ITGA8: variants seen among roughly 807,000 people sequenced by gnomAD.
ITGA8 encodes the protein integrin subunit alpha 8.
In ITGA8, 91 loss-of-function variants were observed where a neutral mutation model predicts 142.3. The ratio of observed to expected loss-of-function variants is 0.64; its 90% CI spans 0.54 to 0.76. The LOEUF (loss-of-function observed/expected upper bound fraction) is 0.76. Among genes scored for constraint, ITGA8 ranks in the 30% least tolerant of loss-of-function variants. The pLI, the probability that ITGA8 is intolerant of heterozygous loss-of-function variation, is 0.00. For missense variants in ITGA8, 1,406 were observed against 1,327.7 expected, an observed-to-expected ratio of 1.06 and a Z score of -0.92; for synonymous variants, 505 against 485.2, an observed-to-expected ratio of 1.04 and a Z score of -0.54.
intron 8 of ITGA8, among the ~76,000 whole-genome samples, chr10:15,662,326 CTTTTTTTTTTTTTTT>C (rs200922550): frequency 1.4e-5 from 1 of 72,716 alleles, no homozygotes; most frequent in Non-Finnish European, 2.4e-5. Context: ...TCAGAAGGTC[CTTTTTTTTTTTTTTT>C]TTTTTTTTTT....
intron 2 of ITGA8, among the ~76,000 whole-genome samples, chr10:15,714,746 C>A (rs1296776313): frequency 6.6e-6 from 1 of 151,902 alleles, no homozygotes; most frequent in African/African-American, 2.4e-5. Context: ...GGCAATTGAC[C>A]TTAAATAAAT....
chr10:15,557,576 CCCTTGGCCTCAAGGGATCCTCCCA>C (rs1833908128), intron 26 of ITGA8, among the ~76,000 whole-genome samples: 1 of 152,140 alleles, frequency 6.6e-6, no homozygotes, highest in African/African-American at 2.4e-5. Context: ...TGGTCCCAAA[CCCTTGGCCTCAAGGGATCCTCCCA>C]CCTTGGCCTC....
At chr10:15,544,689 T>G (rs576534217) in intron 27 of ITGA8, among the ~76,000 whole-genome samples, 2 of 152,322 alleles carry the variant, frequency 1.3e-5, no homozygotes, top group African/African-American at 4.8e-5. Context: ...CCACCAGGGA[T>G]TCTTCCCTCC....
At chr10:15,592,827 C>A (rs549177260) in intron 21 of ITGA8, among the ~76,000 whole-genome samples, 1 of 152,236 alleles carries the variant, frequency 6.6e-6, no homozygotes, top group African/African-American at 2.4e-5. Flanking sequence ...CCTGATTTCA[C>A]GCAATTCTCC....
At position 15,614,700 on chromosome 10, in the gene ITGA8, C is replaced by T. The variant is rs558367809; in HGVS notation, c.1446-933G>A. On this transcript the variant is annotated intron_variant, in intron 14 of 29. Transcript: ENST00000378076. ...GAAGCCATGTTGGATAAGTTTCCCCCCAACAAGAAGAAGGGCTGTGTCTTG... is the reference window on the plus strand; with the variant it reads ...GAAGCCATGTTGGATAAGTTTCCCCTCAACAAGAAGAAGGGCTGTGTCTTG... 2.0e-5 allele frequency among the ~76,000 whole-genome samples: 3 copies of T among 152,248 alleles called. No individual in the cohort carries two copies. In the East Asian group the frequency reaches 5.8e-4, roughly 29 times the overall value.
intron 13 of ITGA8, among the ~76,000 whole-genome samples, chr10:15,626,796 G>A (rs1469318528): frequency 6.6e-6 from 1 of 152,166 alleles, no homozygotes; most frequent in African/African-American, 2.4e-5. Flanking sequence ...GGGAGAAGAT[G>A]ACCATCTACA....
intron 2 of ITGA8, among the ~76,000 whole-genome samples, chr10:15,707,340 G>A (rs1255773644): frequency 6.6e-6 from 1 of 152,138 alleles, no homozygotes; most frequent in East Asian, 1.9e-4. Context: ...ATAGGGCAGT[G>A]GAAGAAGATG....
intron 29 of ITGA8, 41 bp downstream of exon 29, chr10:15,519,249 G>A (rs201146681): frequency 1.9e-6 from 3 of 1,608,110 alleles, no homozygotes; most frequent in Admixed American, 1.7e-5. Context: ...TCCCTCAACA[G>A]CCCCTCTAGT....
rs1834273426 is a variant in ITGA8 at position 15,660,913 on chromosome 10, G to C, written c.857C>G (p.Ala286Gly). The change falls in exon 9 of 30, where the codon GCT becomes GGT. Residue 286 changes from alanine to glycine, a missense_variant. Transcript: ENST00000378076. ...ATTCTGTGCTCCTCTTGGAATTCCA[G>C]CAACCAATTCTGGGGATGAAAATAG... ...FTGDSQQELVAGIPRGAQNFG... is the reference protein window; with the variant it reads ...FTGDSQQELVGGIPRGAQNFG... The C allele has an allele frequency of 6.2e-7, 1 of 1,613,456 alleles. No individual in the cohort carries two copies. Among genetic ancestry groups the C allele is most frequent in the Non-Finnish European group, 8.5e-7 (1 of 1,179,684 alleles).
chr10:15,696,861 C>CCCA (rs1835061943), intron 2 of ITGA8, among the ~76,000 whole-genome samples: 1 of 52,564 alleles, frequency 1.9e-5, no homozygotes, highest in African/African-American at 6.3e-5. Context: ...TAACTCTTAC[C>CCCA]AAAAAAAAAA....
chr10:15,606,237 CA>C, intron 18 of ITGA8, 47 bp downstream of exon 18: 1 of 1,543,698 alleles, frequency 6.5e-7, no homozygotes, highest in African/African-American at 1.4e-5. Context: ...AACAACACCC[CA>C]GAGAGCTTGC....
intron 8 of ITGA8, among the ~76,000 whole-genome samples, chr10:15,666,355 TG>T (rs1380827240): frequency 6.6e-6 from 1 of 152,250 alleles, no homozygotes; most frequent in East Asian, 1.9e-4. Context: ...TTGTGATTTT[TG>T]TACATTGATT....
intron 27 of ITGA8, among the ~76,000 whole-genome samples, chr10:15,545,487 CAT>C (rs144311616): frequency 0.055 from 8,405 of 152,196 alleles, 748 homozygotes; most frequent in African/African-American, 0.19. Flanking sequence ...ATTTATAACA[CAT>C]GATGATAAAG....
intron 2 of ITGA8, among the ~76,000 whole-genome samples, chr10:15,702,811 T>C (rs1320187732): frequency 6.6e-6 from 1 of 152,242 alleles, no homozygotes; most frequent in East Asian, 1.9e-4. Context: ...CTTTTCAAAT[T>C]GAAATTCTTT....
intron 25 of ITGA8, among the ~76,000 whole-genome samples, chr10:15,568,311 G>A (rs1316027976): frequency 6.6e-6 from 1 of 152,164 alleles, no homozygotes; most frequent in Non-Finnish European, 1.5e-5. Flanking sequence ...AGTTGCTAAT[G>A]CTCTGTGTTT....
At chr10:15,650,173 A>C (rs959781734) in intron 11 of ITGA8, among the ~76,000 whole-genome samples, 5 of 152,162 alleles carry the variant, frequency 3.3e-5, no homozygotes, top group Non-Finnish European at 5.9e-5. Flanking sequence ...AAAGAAGCCA[A>C]TCTGAAAAGG....
chr10:15,667,594 C>G (rs1219070710), intron 8 of ITGA8, among the ~76,000 whole-genome samples: 2 of 152,144 alleles, frequency 1.3e-5, no homozygotes, highest in Non-Finnish European at 2.9e-5. Flanking sequence ...TTCTCTAGTT[C>G]TTTTAATTGT....
Position 15,719,757 on chromosome 10 carries a change from G to A in ITGA8, c.15C>T (p.Ala5=). The part of the protein sequence containing the change: MSPG[A]SRGPRGSQAP... The stretch of plus-strand genomic sequence containing the variant: ...CCTGGCTTCCCCGGGGACCGCGGCT[G>A]GCCCCGGGCGACATCTCCCTCCGCC... Residue 5 remains alanine, a synonymous_variant, in exon 1 of 30, where the codon GCC becomes GCT. Coordinates refer to ENST00000378076, the MANE Select transcript of ITGA8 (RefSeq NM_003638.3). 1 of 1,354,350 alleles carries A rather than the reference G, an allele frequency of 7.4e-7. No individual in the cohort carries two copies. The highest frequency in any genetic ancestry group is 9.4e-7 in the Non-Finnish European group (1 of 1,061,854). 83.9% of individuals were successfully genotyped at this position (1,354,350 alleles called of 1,614,324 possible). A position where few individuals can be genotyped will look rare whatever the true frequency, so the allele number is the denominator to read the frequency against.
intron 25 of ITGA8, among the ~76,000 whole-genome samples, chr10:15,559,626 A>C (rs1220531038): frequency 6.6e-6 from 1 of 152,122 alleles, no homozygotes; most frequent in East Asian, 1.9e-4. Flanking sequence ...AGGAAGGGTG[A>C]AGACCTTTAT....
Sources: allele counts gnomAD v4.1 joint callset (sites outside exome capture counted in the v4.1 genomes callset), GRCh38; gene constraint gnomAD v4.1.1; transcripts MANE v1.5; gene names NCBI Gene and HGNC (gene_info 2026-07-23, HGNC 2026-07-21).